Variants in STOM observed in about 807,000 individuals in gnomAD.
STOM encodes erythrocyte band 7 integral membrane protein.
In STOM, 25 loss-of-function variants were observed where a neutral mutation model predicts 30.6. The observed-to-expected ratio is 0.82, with a 90% CI of 0.60 to 1.14. The LOEUF is 1.14. Ranked by LOEUF, STOM falls within the 50% of genes most tolerant of loss-of-function variation. The probability of loss-of-function intolerance (pLI) is 0.00; values close to 1 mark genes in which losing one functional copy is unlikely to be tolerated. For synonymous variants in STOM, 118 were observed against 130.8 expected (o/e 0.90, Z 0.67); for missense variants, 292 against 365.2 (o/e 0.80, Z 1.63).
chr9:121,354,987 CG>C (rs1564630337), intron 2 of STOM, among the ~76,000 whole-genome samples: 1 of 152,052 alleles, frequency 6.6e-6, no homozygotes, highest in East Asian at 1.9e-4. Context: ...AGGCCAGGCA[CG>C]GTGGCTCACG....
At chr9:121,346,669 G>C (rs904004261) in intron 6 of STOM, among the ~76,000 whole-genome samples, 4 of 152,176 alleles carry the variant, frequency 2.6e-5, no homozygotes, top group Admixed American at 1.3e-4. Context: ...AAACGTAACA[G>C]TTTTGAAAGA....
chr9:121,344,592 G>A (rs531025071), intron 6 of STOM, among the ~76,000 whole-genome samples: 32 of 152,260 alleles, frequency 2.1e-4, no homozygotes, highest in Non-Finnish European at 3.8e-4. Flanking sequence ...GGGTGTGCAC[G>A]GCTTTTGTCG....
At chr9:121,343,829 A>C (rs1015597277) in intron 6 of STOM, among the ~76,000 whole-genome samples, 3 of 151,800 alleles carry the variant, frequency 2.0e-5, no homozygotes, top group African/African-American at 7.3e-5. Flanking sequence ...AGGTAAGTAA[A>C]CTCCATCAGA....
rs757692472 is a variant in STOM at position 121,341,076 on chromosome 9, C to T, written c.*126G>A. ...ACAATTCTTTCACCTATTTTTATAA[C>T]TGCTATACATTCTGGGAACACCACA... On this transcript the variant is annotated 3_prime_UTR_variant, in exon 7 of 7. Coordinates refer to ENST00000286713, the MANE Select transcript of STOM (RefSeq NM_004099.6). 4 of 1,509,198 alleles carry T rather than the reference C, an allele frequency of 2.7e-6. No homozygotes were observed. The highest frequency in any genetic ancestry group is 3.5e-6 in the Non-Finnish European group (4 of 1,131,692). 93.5% of individuals were successfully genotyped at this position (1,509,198 alleles called of 1,614,324 possible). A position where few individuals can be genotyped will look rare whatever the true frequency, so the allele number is the denominator to read the frequency against.
intron 2 of STOM, 33 bp from the exon 3 acceptor site, chr9:121,354,706 G>A: frequency 1.3e-6 from 2 of 1,514,300 alleles, no homozygotes; most frequent in Non-Finnish European, 1.8e-6. Context: ...AATTTAACAT[G>A]AAGAGTACAA....
chr9:121,356,422 T>C (rs1254892560), intron 1 of STOM, among the ~76,000 whole-genome samples: 5 of 152,354 alleles, frequency 3.3e-5, no homozygotes, highest in South Asian at 2.1e-4. Flanking sequence ...TATTAGGCCC[T>C]CTGCTTTGTA....
intron 6 of STOM, among the ~76,000 whole-genome samples, chr9:121,347,114 G>A (rs557150028): frequency 6.6e-6 from 1 of 152,298 alleles, no homozygotes; most frequent in South Asian, 2.1e-4. Flanking sequence ...ATTAGGGCTG[G>A]TCTGTGTTCT....
intron 1 of STOM, among the ~76,000 whole-genome samples, chr9:121,364,749 G>A (rs1289989622): frequency 6.6e-6 from 1 of 152,142 alleles, no homozygotes; most frequent in Non-Finnish European, 1.5e-5. Context: ...ATAGGTGAGA[G>A]CAACAGCAAT....
intron 1 of STOM, 27 bp downstream of exon 1, chr9:121,370,100 G>C: frequency 6.5e-7 from 1 of 1,532,282 alleles, no homozygotes; most frequent in Non-Finnish European, 8.8e-7. Context: ...CGGTCCACGG[G>C]GGAGGGTCAG....
Position 121,340,539 on chromosome 9 carries a change from C to A in STOM, c.*663G>T. ...ATCACCTGAGGTTAGGAGTTCGTGA[C>A]TAGCCTGGCCAACATGGTGAAACCC... On this transcript the variant is annotated 3_prime_UTR_variant, in exon 7 of 7. Coordinates refer to ENST00000286713, the MANE Select transcript of STOM (RefSeq NM_004099.6). The A allele has an allele frequency of 4.0e-6, 3 of 743,506 alleles. No homozygotes were observed. The highest frequency in any genetic ancestry group is 4.9e-6 in the Non-Finnish European group (3 of 609,356). 46.1% of individuals were successfully genotyped at this position (743,506 alleles called of 1,614,324 possible). A position where few individuals can be genotyped will look rare whatever the true frequency, so the allele number is the denominator to read the frequency against.
chr9:121,347,949 GT>G (rs1427879994), intron 6 of STOM, 65 bp downstream of exon 6: 8 of 1,513,590 alleles, frequency 5.3e-6, no homozygotes, highest in Admixed American at 2.2e-5. Flanking sequence ...CATGTTTTAC[GT>G]TTTTTTATAA....
chr9:121,359,252 G>T (rs539802798), intron 1 of STOM, among the ~76,000 whole-genome samples: 23 of 152,176 alleles, frequency 1.5e-4, no homozygotes, highest in Admixed American at 2.6e-4. Flanking sequence ...CTGGGAACAT[G>T]GGAGAAGAGA....
chr9:121,365,985 CAGTA>C (rs562404612), intron 1 of STOM: 69 of 352,556 alleles, frequency 2.0e-4, no homozygotes, highest in African/African-American at 1.5e-3. Flanking sequence ...ACACTTGGGG[CAGTA>C]AGTCAGAGTT....
At chr9:121,363,958 TA>T (rs2064479175) in intron 1 of STOM, among the ~76,000 whole-genome samples, 1 of 152,320 alleles carries the variant, frequency 6.6e-6, no homozygotes, top group South Asian at 2.1e-4. Context: ...TAAGTGAATA[TA>T]AATTCCTCTT....
At chr9:121,370,015 G>C (rs2064548654) in intron 1 of STOM, 112 bp downstream of exon 1, 2 of 1,035,182 alleles carry the variant, frequency 1.9e-6, no homozygotes, top group African/African-American at 1.6e-5. Context: ...TTGAGATCTC[G>C]CCCAGCCCGA....
chr9:121,360,095 T>C (rs1360120442), intron 1 of STOM, among the ~76,000 whole-genome samples: 1 of 152,202 alleles, frequency 6.6e-6, no homozygotes, highest in East Asian at 1.9e-4. Context: ...AAAAACTCCC[T>C]GAGGGCAGGG....
At chr9:121,368,929 T>C (rs1262832991) in intron 1 of STOM, among the ~76,000 whole-genome samples, 4 of 142,410 alleles carry the variant, frequency 2.8e-5, no homozygotes, top group Non-Finnish European at 6.1e-5. Context: ...CGAAACTCCG[T>C]CTCAAAAAAA....
At chr9:121,366,067 C>G in intron 1 of STOM, 1 of 968,516 alleles carries the variant, frequency 1.0e-6, no homozygotes, top group Non-Finnish European at 1.2e-6. Flanking sequence ...CAACCTAAAT[C>G]TTTTAATTAT....
chr9:121,344,110 C>G (rs1311014590), intron 6 of STOM, among the ~76,000 whole-genome samples: 1 of 152,134 alleles, frequency 6.6e-6, no homozygotes, highest in Non-Finnish European at 1.5e-5. Flanking sequence ...AGATAGGATA[C>G]AGAATATAGT....
Sources: allele counts gnomAD v4.1 joint callset (sites outside exome capture counted in the v4.1 genomes callset), GRCh38; gene constraint gnomAD v4.1.1; transcripts MANE v1.5; gene names NCBI Gene and HGNC (gene_info 2026-07-23, HGNC 2026-07-21).